Variants in LARP7 observed in about 807,000 individuals in gnomAD.
LARP7 encodes the protein la-related protein 7.
Under a neutral mutation model 69.3 loss-of-function variants are expected in LARP7, and 52 were observed. That is an observed-to-expected ratio of 0.75 (90% confidence interval 0.60 to 0.95). The LOEUF is 0.95. LARP7 is among the 40% of genes least tolerant of loss of function. The pLI is 0.00. For missense variants in LARP7, 733 were observed against 673.0 expected, an observed-to-expected ratio of 1.09 and a Z score of -0.99; for synonymous variants, 254 against 215.9, an observed-to-expected ratio of 1.18 and a Z score of -1.55.
chr4:112,656,913 CAAGG>C (rs1216775045), intron 12 of LARP7, among the ~76,000 whole-genome samples: 3 of 151,850 alleles, frequency 2.0e-5, no homozygotes, highest in African/African-American at 7.3e-5. Context: ...TTTTTTTTCT[CAAGG>C]AAGCTTTTGG....
In LARP7 at chr4:112,646,981, AAAG is replaced by A. The variant is rs750704479; in HGVS notation, c.552+29_552+31del. ...GTAAGTCCAGATCCTAAAAAAAAAA[AAAG>A]AAAGAAAAGAAAACAAGTATTAAAA... On this transcript the variant is annotated intron_variant, in intron 5 of 12. Coordinates refer to ENST00000344442, the MANE Select transcript of LARP7 (RefSeq NM_016648.4). The A allele has an allele frequency of 2.9e-4, 437 of 1,528,468 alleles. No individual in the cohort carries two copies. In the African/African-American group the frequency reaches 9.5e-3, roughly 33 times the overall value. The allele number at this position is 1,528,468 out of a possible 1,614,324, so 94.7% of individuals were successfully genotyped here. A position where few individuals can be genotyped will look rare whatever the true frequency, so the allele number is the denominator to read the frequency against.
Position 112,649,622 on chromosome 4 carries a change from A to G in LARP7, c.1230A>G (p.Lys410=), listed in dbSNP as rs1321480547. The part of the protein sequence containing the change: ...ASLKKTISQI[K]SESEMETDSG... Reference sequence around the variant, plus strand: ...TAAAAAAAACAATATCCCAAATAAAATCAGAGTCAGAAATGGAAACAGACA... The same window carrying G: ...TAAAAAAAACAATATCCCAAATAAAGTCAGAGTCAGAAATGGAAACAGACA... The change falls in exon 9 of 13, where the codon AAA becomes AAG. Residue 410 remains lysine, a synonymous_variant. Coordinates refer to ENST00000344442, the MANE Select transcript of LARP7 (RefSeq NM_016648.4). 2 of 1,609,612 alleles carry G rather than the reference A, an allele frequency of 1.2e-6. No individual in the cohort carries two copies. The highest frequency in any genetic ancestry group is 2.2e-5 in the East Asian group (1 of 44,682).
At chr4:112,651,858 T>TC (rs1364001686) in intron 10 of LARP7, among the ~76,000 whole-genome samples, 1 of 152,160 alleles carries the variant, frequency 6.6e-6, no homozygotes, top group Non-Finnish European at 1.5e-5. Context: ...TGCTCAAAAG[T>TC]CAGTTATAAA....
intron 1 of LARP7, among the ~76,000 whole-genome samples, chr4:112,641,769 A>C (rs1254075139): frequency 6.6e-6 from 1 of 152,208 alleles, no homozygotes; most frequent in Non-Finnish European, 1.5e-5. Context: ...GATTGTTAGC[A>C]CTAGAGAGTC....
At chr4:112,646,102 C>T (rs376511572) in intron 2 of LARP7, among the ~76,000 whole-genome samples, 1 of 151,942 alleles carries the variant, frequency 6.6e-6, no homozygotes, top group African/African-American at 2.4e-5. Context: ...ACCTCACTCT[C>T]GAGTAGCTGG....
Position 112,646,929 on chromosome 4 carries a change from A to C in LARP7, c.526A>C (p.Lys176Gln). Residue 176 changes from lysine (K) to glutamine (Q), a missense_variant, in exon 5 of 13, where the codon AAA (lysine) becomes CAA (glutamine). Lys to Gln is a moderately conservative substitution (Grantham distance 53). Transcript: ENST00000344442. ...ATTTGCGTTTGTGGAATTTGAAACA[A>C]AAGAACAAGCAGCAAAAGCAATTGA... ...KGFAFVEFET[K>Q]EQAAKAIEFL... The C allele has an allele frequency of 6.2e-7, 1 of 1,608,034 alleles. No homozygotes were observed. The highest frequency in any genetic ancestry group is 8.5e-7 in the Non-Finnish European group (1 of 1,178,708).
At chr4:112,648,304 A>T (rs2048466716) in intron 8 of LARP7, 1 of 526,036 alleles carries the variant, frequency 1.9e-6, no homozygotes, top group Non-Finnish European at 3.9e-6. Context: ...CAAGCTTAGT[A>T]ACCTTAAAAC....
At chr4:112,651,111 G>A (rs1223188939) in intron 10 of LARP7, among the ~76,000 whole-genome samples, 1 of 152,136 alleles carries the variant, frequency 6.6e-6, no homozygotes. Context: ...TTAGGTGAGA[G>A]TACCATATCT....
chr4:112,641,845 T>A (rs1175015841), intron 1 of LARP7, among the ~76,000 whole-genome samples: 1 of 152,082 alleles, frequency 6.6e-6, no homozygotes, highest in Non-Finnish European at 1.5e-5. Flanking sequence ...AGGTGGACAG[T>A]TGAATATTGG....
chr4:112,652,293 TC>T (rs58727958), intron 10 of LARP7, among the ~76,000 whole-genome samples: 9,707 of 97,162 alleles, frequency 0.1, 561 homozygotes, highest in East Asian at 0.22. Flanking sequence ...AAATAAGATT[TC>T]CCCCCCCCCC....
In LARP7 at chr4:112,646,815, C is replaced by G. The variant is rs1560929770; in HGVS notation, c.412C>G (p.His138Asp). 1 of 1,589,828 alleles carries G rather than the reference C, an allele frequency of 6.3e-7. No individual in the cohort carries two copies. Among genetic ancestry groups the G allele is most frequent in the East Asian group, 2.2e-5 (1 of 44,670 alleles). ...YVELLPKNVN[H>D]SWIERVFGKC... ...GGAGTTACTTCCCAAAAATGTTAAT[C>G]ACAGCTGGATTGAAAGAGTATTTGG... is the stretch of plus-strand genomic sequence containing the variant. The change falls in exon 5 of 13, where the codon CAC becomes GAC. Residue 138 changes from histidine to aspartate, a missense_variant. By Grantham distance (81) the His-to-Asp change is moderately conservative. Coordinates refer to ENST00000344442, the MANE Select transcript of LARP7 (RefSeq NM_016648.4).
At chr4:112,648,536 C>T (rs183105707) in intron 8 of LARP7, 5 of 530,964 alleles carry the variant, frequency 9.4e-6, no homozygotes, top group East Asian at 5.5e-5. Flanking sequence ...GAAAGCACTT[C>T]CATGTTAAAG....
intron 10 of LARP7, among the ~76,000 whole-genome samples, chr4:112,651,303 T>C (rs537464472): frequency 5.9e-5 from 9 of 152,218 alleles, no homozygotes; most frequent in African/African-American, 1.4e-4. Context: ...TTGAATACCA[T>C]TGAGGTGGTG....
intron 8 of LARP7, chr4:112,648,448 G>A (rs1389482719): frequency 1.9e-6 from 1 of 534,268 alleles, no homozygotes; most frequent in Admixed American, 1.9e-5. Context: ...TTCAAATGAG[G>A]TTAGCGTGTT....
At chr4:112,639,718 G>A (rs886501648) in intron 1 of LARP7, among the ~76,000 whole-genome samples, 11 of 152,186 alleles carry the variant, frequency 7.2e-5, no homozygotes, top group Non-Finnish European at 1.2e-4. Flanking sequence ...ATAAACTATT[G>A]GCATATTCTA....
chr4:112,645,671 C>T, intron 2 of LARP7: 1 of 446,306 alleles, frequency 2.2e-6, no homozygotes, highest in Non-Finnish European at 4.5e-6. Context: ...AGGCAAGCAT[C>T]ACCAGGCCGG....
At chr4:112,650,282 T>C (rs973190283) in intron 9 of LARP7, among the ~76,000 whole-genome samples, 179 bp from the exon 10 acceptor site, 7 of 152,190 alleles carry the variant, frequency 4.6e-5, no homozygotes, top group African/African-American at 1.7e-4. Context: ...CTGAGTTTTA[T>C]TCATGGTATT....
intron 8 of LARP7, chr4:112,648,338 C>T (rs755982016): frequency 5.6e-6 from 3 of 531,726 alleles, no homozygotes; most frequent in Non-Finnish European, 1.2e-5. Context: ...AATTTTGTAA[C>T]AAAAGGTGTG....
Position 112,644,811 on chromosome 4 carries a change from G to T in LARP7, c.142G>T (p.Asp48Tyr). The T allele has an allele frequency of 6.2e-7, 1 of 1,608,430 alleles. No individual in the cohort carries two copies. Among genetic ancestry groups the T allele is most frequent in the Non-Finnish European group, 8.5e-7 (1 of 1,176,356 alleles). Reference sequence around the variant, plus strand: ...TAAGCAAGTGGACTTCTGGTTTGGGGATGCAAATCTTCACAAGGATAGATT... The same window carrying T: ...TAAGCAAGTGGACTTCTGGTTTGGGTATGCAAATCTTCACAAGGATAGATT... ...IAKQVDFWFG[D>Y]ANLHKDRFLR... The change falls in exon 2 of 13, where the codon GAT (aspartate) becomes TAT (tyrosine). Residue 48 changes from aspartate to tyrosine, a missense_variant. Physicochemically the swap from Asp to Tyr is radical, Grantham distance 160. Transcript: ENST00000344442.
Sources: gnomAD v4.1 joint callset for allele counts (sites outside exome capture counted in the v4.1 genomes callset) on GRCh38, gnomAD v4.1.1 for gene constraint, MANE v1.5 for transcripts, NCBI Gene and HGNC (gene_info 2026-07-23, HGNC 2026-07-21) for gene names.